Variants in ANKH observed in about 807,000 individuals in gnomAD.
ANKH encodes ANKH inorganic pyrophosphate transport regulator, also known as mineralization regulator ANKH.
In ANKH, 15 loss-of-function variants were observed where a neutral mutation model predicts 49.0. That is an observed-to-expected ratio of 0.31 (90% confidence interval 0.20 to 0.47). ANKH has a LOEUF of 0.47. ANKH is among the 20% of genes least tolerant of loss of function. The pLI is 1.00. For synonymous variants in ANKH, 273 were observed against 260.0 expected (o/e 1.05, Z -0.48); for missense variants, 429 against 652.0 (o/e 0.66, Z 3.72).
intron 1 of ANKH, among the ~76,000 whole-genome samples, chr5:14,796,170 T>G (rs918636255): frequency 1.3e-5 from 2 of 148,424 alleles, no homozygotes; most frequent in South Asian, 4.3e-4. Context: ...GCAAATGTGT[T>G]TTTTTTTTTA....
chr5:14,722,548 C>G (rs942391115), intron 8 of ANKH, among the ~76,000 whole-genome samples: 1 of 152,082 alleles, frequency 6.6e-6, no homozygotes, highest in East Asian at 1.9e-4. Context: ...AATGGGAACA[C>G]GGCAAAGGGA....
chr5:14,863,083 G>T (rs1240029510), intron 1 of ANKH, among the ~76,000 whole-genome samples: 1 of 152,112 alleles, frequency 6.6e-6, no homozygotes, highest in Non-Finnish European at 1.5e-5. Context: ...GGTTACACGG[G>T]CATACTGCAC....
At chr5:14,771,129 G>A (rs765773467) in intron 1 of ANKH, among the ~76,000 whole-genome samples, 1 of 152,158 alleles carries the variant, frequency 6.6e-6, no homozygotes, top group Non-Finnish European at 1.5e-5. Flanking sequence ...AATACCAAAG[G>A]AGCCAACGGG....
At position 14,755,948 on chromosome 5, in the gene ANKH, C is replaced by T. The variant is rs1738871749; in HGVS notation, c.433-4G>A. The T allele has an allele frequency of 1.9e-6, 3 of 1,613,604 alleles. No individual in the cohort carries two copies. The South Asian group carries it at 3.3e-5, about 18-fold the overall frequency. On this transcript the variant is annotated splice_polypyrimidine_tract_variant and splice_region_variant and intron_variant, in intron 3 of 11. Transcript: ENST00000284268. ...GAATGCCAGCATGGGTCCATGCCTG[C>T]CAGAAAGAAAAGAATTTGGCATGAG... is the stretch of plus-strand genomic sequence containing the variant.
In ANKH at chr5:14,712,855, CCCGGCGCGGCTGTCTCACCTGCTT is replaced by C; in HGVS notation, c.1360_1365+18del. The C allele has an allele frequency of 6.3e-7, 1 of 1,584,964 alleles. No individual in the cohort carries two copies. Among genetic ancestry groups the C allele is most frequent in the Non-Finnish European group, 8.6e-7 (1 of 1,165,466 alleles). On this transcript the variant is annotated splice_donor_variant and splice_donor_5th_base_variant and coding_sequence_variant and intron_variant, in exon 11 of 12. Coordinates refer to ENST00000284268, the MANE Select transcript of ANKH (RefSeq NM_054027.6). LOFTEE classifies it high-confidence loss of function. ...AGGAGGATGCACCCGGGAGGAGGCT[CCCGGCGCGGCTGTCTCACCTGCTT>C]CCGGTAGACATAGCACGCAGCGATG...
intron 2 of ANKH, among the ~76,000 whole-genome samples, chr5:14,764,458 G>A (rs1234143447): frequency 3.3e-5 from 5 of 152,312 alleles, no homozygotes; most frequent in Non-Finnish European, 5.9e-5. Context: ...CTGGCCAGAT[G>A]TTCGCCAACA....
chr5:14,828,622 G>A (rs984750294), intron 1 of ANKH, among the ~76,000 whole-genome samples: 9 of 151,434 alleles, frequency 5.9e-5, no homozygotes, highest in Non-Finnish European at 1.2e-4. Context: ...AGTTCTTTAC[G>A]CCTATACCAT....
At chr5:14,730,023 G>T (rs1246251090) in intron 8 of ANKH, among the ~76,000 whole-genome samples, 3 of 152,138 alleles carry the variant, frequency 2.0e-5, no homozygotes, top group African/African-American at 7.2e-5. Flanking sequence ...CTTCCCTCCG[G>T]CAGGCAGTGA....
chr5:14,780,324 C>T (rs1245755274), intron 1 of ANKH, among the ~76,000 whole-genome samples: 2 of 152,176 alleles, frequency 1.3e-5, no homozygotes, highest in African/African-American at 2.4e-5. Context: ...GGGTGGATTA[C>T]CTGAGGTCAG....
At chr5:14,743,857 T>C (rs926213004) in intron 7 of ANKH, among the ~76,000 whole-genome samples, 1 of 152,206 alleles carries the variant, frequency 6.6e-6, no homozygotes, top group Non-Finnish European at 1.5e-5. Flanking sequence ...AATAAAACAA[T>C]GTTTTTCTTG....
At chr5:14,827,612 AG>A (rs1741381649) in intron 1 of ANKH, among the ~76,000 whole-genome samples, 1 of 152,196 alleles carries the variant, frequency 6.6e-6, no homozygotes, top group South Asian at 2.1e-4. Flanking sequence ...GTATCTCATC[AG>A]GTAGCAGATA....
At chr5:14,746,037 G>A in intron 6 of ANKH, 75 bp from the exon 7 acceptor site, 1 of 1,208,008 alleles carries the variant, frequency 8.3e-7, no homozygotes, top group East Asian at 2.3e-5. Flanking sequence ...AGGTGACGAA[G>A]CACGCCGACT....
At chr5:14,765,509 T>C (rs1053114056) in intron 2 of ANKH, among the ~76,000 whole-genome samples, 2 of 152,016 alleles carry the variant, frequency 1.3e-5, no homozygotes, top group African/African-American at 4.8e-5. Flanking sequence ...AGTGTCTGAG[T>C]GGTCAGTGGT....
chr5:14,828,524 AAAAC>A (rs1428853695), intron 1 of ANKH, among the ~76,000 whole-genome samples: 1 of 152,124 alleles, frequency 6.6e-6, no homozygotes, highest in Non-Finnish European at 1.5e-5. Context: ...CTCCGTCTCA[AAAAC>A]AAACAAAAAA....
chr5:14,798,229 C>G, intron 1 of ANKH: 1 of 1,601,398 alleles, frequency 6.2e-7, no homozygotes, highest in Non-Finnish European at 8.6e-7. Flanking sequence ...AAATCTTTCC[C>G]TTCTGGTCTG....
chr5:14,822,631 AG>A (rs992517836), intron 1 of ANKH, among the ~76,000 whole-genome samples: 4 of 152,244 alleles, frequency 2.6e-5, no homozygotes, highest in Non-Finnish European at 4.4e-5. Flanking sequence ...TAACCACAAT[AG>A]TAAAAACTCT....
chr5:14,771,567 T>C (rs548323675), intron 1 of ANKH, among the ~76,000 whole-genome samples: 19 of 152,262 alleles, frequency 1.2e-4, no homozygotes, highest in South Asian at 8.3e-4. Flanking sequence ...GCCATCCCTA[T>C]TGAAGTCAAT....
chr5:14,830,136 T>C (rs1741459286), intron 1 of ANKH, among the ~76,000 whole-genome samples: 1 of 152,198 alleles, frequency 6.6e-6, no homozygotes, highest in Non-Finnish European at 1.5e-5. Flanking sequence ...AACACATACC[T>C]ATGGACGACT....
At chr5:14,743,699 G>T (rs765843819) in intron 7 of ANKH, among the ~76,000 whole-genome samples, 4 of 152,192 alleles carry the variant, frequency 2.6e-5, no homozygotes, top group Non-Finnish European at 5.9e-5. Context: ...GTGAATAGAC[G>T]GCATTCATAT....
Sources: allele counts gnomAD v4.1 joint callset (sites outside exome capture counted in the v4.1 genomes callset), GRCh38; gene constraint gnomAD v4.1.1; transcripts MANE v1.5; gene names NCBI Gene and HGNC (gene_info 2026-07-23, HGNC 2026-07-21).